Variants in ESR1 observed in about 807,000 individuals in gnomAD.
The protein encoded by ESR1 is estrogen receptor 1.
ESR1 carries 12 observed loss-of-function variants against 52.7 expected under a neutral mutation model. The ratio of observed to expected loss-of-function variants is 0.23; its 90% CI spans 0.15 to 0.37. ESR1 has a LOEUF of 0.37. Ranked by LOEUF, ESR1 falls within the 10% of genes least tolerant of loss-of-function variation. The pLI is 1.00. For missense variants in ESR1, 584 were observed against 779.7 expected, an observed-to-expected ratio of 0.75 and a Z score of 2.99; for synonymous variants, 305 against 316.8, an observed-to-expected ratio of 0.96 and a Z score of 0.39.
intron 5 of ESR1, among the ~76,000 whole-genome samples, chr6:152,037,138 G>T (rs909454360): frequency 6.6e-6 from 1 of 152,008 alleles, no homozygotes; most frequent in Non-Finnish European, 1.5e-5. Context: ...CAATAGCATC[G>T]GCTTAGTTTA....
intron 4 of ESR1, among the ~76,000 whole-genome samples, chr6:151,998,921 G>A (rs990775565): frequency 3.3e-5 from 5 of 152,052 alleles, no homozygotes; most frequent in East Asian, 1.9e-4. Flanking sequence ...TATCTAAGAT[G>A]TCATGGACAG....
chr6:151,762,830 G>A (rs1355010060), intron 2 of ESR1, among the ~76,000 whole-genome samples: 2 of 152,038 alleles, frequency 1.3e-5, no homozygotes, highest in Non-Finnish European at 2.9e-5. Context: ...TGGGCATAGT[G>A]GCGTGTGTCT....
At chr6:152,074,094 A>T (rs1480903093) in intron 6 of ESR1, among the ~76,000 whole-genome samples, 1 of 152,194 alleles carries the variant, frequency 6.6e-6, no homozygotes, top group Non-Finnish European at 1.5e-5. Flanking sequence ...CATTGGTTAC[A>T]GCTGATGAAT....
At chr6:151,978,139 CA>C (rs1382917471) in intron 4 of ESR1, among the ~76,000 whole-genome samples, 1 of 151,738 alleles carries the variant, frequency 6.6e-6, no homozygotes, top group Non-Finnish European at 1.5e-5. Flanking sequence ...TTGAAATGCA[CA>C]AAGTCAACAG....
chr6:151,870,629 A>G (rs76450207), intron 2 of ESR1, among the ~76,000 whole-genome samples: 19 of 152,294 alleles, frequency 1.2e-4, no homozygotes, highest in Non-Finnish European at 2.1e-4. Flanking sequence ...CTTCTGTAAC[A>G]TGGGAACTAG....
At chr6:151,728,576 T>C in intron 2 of ESR1, among the ~76,000 whole-genome samples, 1 of 152,230 alleles carries the variant, frequency 6.6e-6, no homozygotes, top group African/African-American at 2.4e-5. Context: ...TATAAGAAAC[T>C]GCAGATATTC....
chr6:151,969,507 C>T (rs1033966716), intron 4 of ESR1, among the ~76,000 whole-genome samples: 4 of 152,160 alleles, frequency 2.6e-5, no homozygotes, highest in African/African-American at 2.4e-5. Context: ...TCCCATGTCT[C>T]CCATCCTTTA....
intron 1 of ESR1, 66 bp from the exon 2 acceptor site, chr6:151,842,531 C>T (rs2128233748): frequency 7.5e-7 from 1 of 1,329,682 alleles, no homozygotes; most frequent in Non-Finnish European, 1.1e-6. Flanking sequence ...GGATCTGCTG[C>T]ATCTCCCAGA....
At chr6:152,028,855 G>A (rs1282230012) in intron 5 of ESR1, among the ~76,000 whole-genome samples, 1 of 152,190 alleles carries the variant, frequency 6.6e-6, no homozygotes, top group Non-Finnish European at 1.5e-5. Flanking sequence ...CCTCAAGTGG[G>A]TCCCTGACCC....
At chr6:151,852,772 C>G (rs536061881) in intron 2 of ESR1, among the ~76,000 whole-genome samples, 1 of 151,486 alleles carries the variant, frequency 6.6e-6, no homozygotes, top group African/African-American at 2.4e-5. Context: ...AACATACATA[C>G]TGTGCAACAG....
intron 2 of ESR1, among the ~76,000 whole-genome samples, chr6:151,713,816 G>A (rs1780812955): frequency 6.6e-6 from 1 of 151,762 alleles, no homozygotes; most frequent in Admixed American, 6.6e-5. Flanking sequence ...TTTTTTTGAA[G>A]TTTATTTTGT....
rs76180762 is a variant in ESR1, at chr6:151,975,163, T to C, written c.1096+30655T>C. On this transcript the variant is annotated intron_variant, in intron 4 of 7. Coordinates refer to ENST00000206249, the MANE Select transcript of ESR1 (RefSeq NM_000125.4). ...ACCTATCTTTCAGTCCCTTCTGTCC[T>C]CTTGGCCTGGCCACTGGCCACATGT... Among the ~76,000 whole-genome samples, 931 of 152,318 alleles carry C rather than the reference T, an allele frequency of 6.1e-3. 10 individuals carry two copies. Among genetic ancestry groups the C allele is most frequent in the African/African-American group, 0.017 (710 of 41,558 alleles).
intron 6 of ESR1, among the ~76,000 whole-genome samples, chr6:152,089,641 C>T (rs887733571): frequency 6.6e-5 from 10 of 152,104 alleles, no homozygotes; most frequent in African/African-American, 1.9e-4. Flanking sequence ...TGCAGTGGTG[C>T]GATCTCGGCT....
chr6:151,739,030 T>C (rs188365428), intron 2 of ESR1, among the ~76,000 whole-genome samples: 40 of 152,274 alleles, frequency 2.6e-4, no homozygotes, highest in African/African-American at 9.4e-4. Flanking sequence ...TTTCAAACCA[T>C]GGAATATGGA....
intron 4 of ESR1, among the ~76,000 whole-genome samples, chr6:151,987,075 C>T (rs2040559067): frequency 6.6e-6 from 1 of 151,910 alleles, no homozygotes; most frequent in South Asian, 2.1e-4. Context: ...AGGCAGATCA[C>T]TTACATTTCC....
rs1361397167 is a variant in ESR1 at position 152,099,430 on chromosome 6, C to G, written c.*464C>G. ...ATTGGTGACTTGGAGAAAGCTAGGT[C>G]AAGGGTTTATTATAGCACCCTCTTG... On this transcript the variant is annotated 3_prime_UTR_variant, in exon 8 of 8. Transcript: ENST00000206249. The G allele has an allele frequency of 9.5e-6, 3 of 317,034 alleles. No individual in the cohort carries two copies. The highest frequency in any genetic ancestry group is 1.8e-5 in the Non-Finnish European group (3 of 168,254). The allele number at this position is 317,034 out of a possible 1,614,324, so 19.6% of individuals were successfully genotyped here. A position where few individuals can be genotyped will look rare whatever the true frequency, so the allele number is the denominator to read the frequency against.
At chr6:152,000,042 T>C (rs1226058256) in intron 4 of ESR1, among the ~76,000 whole-genome samples, 1 of 152,022 alleles carries the variant, frequency 6.6e-6, no homozygotes, top group Non-Finnish European at 1.5e-5. Flanking sequence ...GTACTTTTTA[T>C]AATGAAAAAG....
At chr6:152,116,818 T>C (rs2051216203) in intron 6 of ESR1, among the ~76,000 whole-genome samples, 1 of 152,118 alleles carries the variant, frequency 6.6e-6, no homozygotes, top group African/African-American at 2.4e-5. Context: ...ACTGCTATAA[T>C]TAAAACAGTA....
At chr6:151,971,800 C>T (rs770321158) in intron 4 of ESR1, among the ~76,000 whole-genome samples, 3 of 151,760 alleles carry the variant, frequency 2.0e-5, no homozygotes, top group South Asian at 2.1e-4. Flanking sequence ...AAAGAAATAA[C>T]GAAGATCAGA....
Sources: allele counts gnomAD v4.1 joint callset (sites outside exome capture counted in the v4.1 genomes callset), GRCh38; gene constraint gnomAD v4.1.1; transcripts MANE v1.5; gene names NCBI Gene and HGNC (gene_info 2026-07-23, HGNC 2026-07-21).